The following KLHL25 variants were observed in gnomAD, a reference collection of about 807,000 sequenced individuals.
KLHL25 encodes kelch-like protein 25.
KLHL25 carries 41 observed loss-of-function variants against 30.0 expected under a neutral mutation model. That is an observed-to-expected ratio of 1.37 (90% CI 1.07 to 1.78). The LOEUF is 1.78. Ranked by LOEUF, KLHL25 falls within the 40% of genes most tolerant of loss-of-function variation. The pLI, the probability that KLHL25 is intolerant of heterozygous loss-of-function variation, is 0.00. For synonymous variants in KLHL25, 399 were observed against 355.3 expected (o/e 1.12, Z -1.38); for missense variants, 971 against 824.5 (o/e 1.18, Z -2.18).
At position 85,768,359 on chromosome 15, in the gene KLHL25, G is replaced by C. The variant is rs771048481; in HGVS notation, c.1452C>G (p.Tyr484Ter). The C allele has an allele frequency of 5.6e-6, 9 of 1,613,618 alleles. No individual in the cohort carries two copies. In the African/African-American group the frequency reaches 1.2e-4, roughly 22 times the overall value. Residue 484 changes from tyrosine to a stop codon, truncating the protein, a stop_gained, in exon 2 of 3, where the codon TAC becomes TAG. Transcript: ENST00000337975. LOFTEE classifies it high-confidence loss of function. ...IKAECPQPWR[Y>*]TAAAVLGSQI... ...GGCTGCCCAGGACGGCAGCGGCTGT[G>C]TACCGCCAAGGCTGGGGGCACTCGG...
At position 85,767,892 on chromosome 15, in the gene KLHL25, C is replaced by A; in HGVS notation, c.*24+125G>T. The A allele has an allele frequency of 1.7e-5, 11 of 640,048 alleles. No individual in the cohort carries two copies. In the South Asian group the frequency reaches 2.3e-4, roughly 14 times the overall value. 39.6% of individuals were successfully genotyped at this position (640,048 alleles called of 1,614,324 possible). The stretch of plus-strand genomic sequence containing the variant: ...AGGATTTGACTCCAGAGCACACCAG[C>A]CACCTGCTGCCCACCCAGACTTCCC... On this transcript the variant is annotated intron_variant, in intron 2 of 2. Transcript: ENST00000337975.
Position 85,771,885 on chromosome 15 carries a change from G to A in KLHL25, c.-10-2065C>T, listed in dbSNP as rs368868014. ...GCAACTATTTCCTGAGCACATCCTC[G>A]AAGCTGGGCCCTCAGATGCAGTGGC... is the stretch of plus-strand genomic sequence containing the variant. On this transcript the variant is annotated intron_variant, in intron 1 of 2. Coordinates refer to ENST00000337975, the MANE Select transcript of KLHL25 (RefSeq NM_022480.4). 5.3e-5 allele frequency among the ~76,000 whole-genome samples: 8 copies of A among 152,160 alleles called. No individual in the cohort carries two copies. In the East Asian group the frequency reaches 5.8e-4, roughly 11 times the overall value.
intron 1 of KLHL25, chr15:85,770,503 A>G: frequency 1.9e-6 from 1 of 534,374 alleles, no homozygotes; most frequent in East Asian, 5.4e-5. Context: ...AAGAGCCGCC[A>G]TCAAGGCCCA....
chr15:85,793,476 T>C (rs896965407), intron 1 of KLHL25, among the ~76,000 whole-genome samples: 4 of 151,792 alleles, frequency 2.6e-5, no homozygotes, highest in Non-Finnish European at 4.4e-5. Flanking sequence ...TGAGGTGGGG[T>C]AGACTTTGTG....
intron 1 of KLHL25, chr15:85,770,557 A>G (rs759704230): frequency 1.9e-6 from 1 of 533,896 alleles, no homozygotes; most frequent in Non-Finnish European, 3.8e-6. Context: ...GTGTCTCCAC[A>G]GGGCTCTTTA....
chr15:85,771,683 G>GCCCACAGTCCACAGGGCT (rs1272733156), intron 1 of KLHL25, among the ~76,000 whole-genome samples: 1 of 152,220 alleles, frequency 6.6e-6, no homozygotes, highest in Non-Finnish European at 1.5e-5. Flanking sequence ...CAAACCTGCA[G>GCCCACAGTCCACAGGGCT]CCCACAGTCC....
intron 1 of KLHL25, among the ~76,000 whole-genome samples, chr15:85,772,080 T>A (rs555516353): frequency 2.6e-5 from 4 of 152,310 alleles, no homozygotes; most frequent in African/African-American, 9.6e-5. Context: ...GACCACCCCC[T>A]TGGTGATCAG....
intron 1 of KLHL25, among the ~76,000 whole-genome samples, chr15:85,782,709 C>T (rs80251970): frequency 0.086 from 13,134 of 152,186 alleles, 627 homozygotes; most frequent in Non-Finnish European, 0.11. Flanking sequence ...GTGCCCCATG[C>T]GACACACAGG....
chr15:85,769,724 C>T lies in KLHL25; in HGVS notation c.87G>A (p.Pro29=), dbSNP rs200944201. 120 of 1,613,864 alleles carry T rather than the reference C, an allele frequency of 7.4e-5. No homozygotes were observed. The highest frequency in any genetic ancestry group is 3.3e-4 in the Middle Eastern group (2 of 6,062). The change falls in exon 2 of 3, where the codon CCG becomes CCA. Residue 29 remains proline, a synonymous_variant. Transcript: ENST00000337975. ...TGTTGAGGTGGGCCAGCACACAGTCCGGGTGGGAGGCCTTGTGGAAGAGGG... is the reference window on the plus strand; with the variant it reads ...TGTTGAGGTGGGCCAGCACACAGTCTGGGTGGGAGGCCTTGTGGAAGAGGG... ...NVTLFHKASH[P]DCVLAHLNTL...
chr15:85,772,529 T>A (rs1187633429), intron 1 of KLHL25, among the ~76,000 whole-genome samples: 1 of 152,138 alleles, frequency 6.6e-6, no homozygotes, highest in Non-Finnish European at 1.5e-5. Context: ...GAATCCCAGC[T>A]CCTCACCTTA....
intron 1 of KLHL25, among the ~76,000 whole-genome samples, chr15:85,792,138 T>C (rs1410956441): frequency 6.6e-6 from 1 of 152,156 alleles, no homozygotes; most frequent in African/African-American, 2.4e-5. Context: ...TGGAACCTAC[T>C]GTAGGGGCTG....
At chr15:85,777,749 C>G (rs909946261) in intron 1 of KLHL25, among the ~76,000 whole-genome samples, 1 of 152,176 alleles carries the variant, frequency 6.6e-6, no homozygotes, top group South Asian at 2.1e-4. Flanking sequence ...ACGCTGGGCC[C>G]TACCCAGTTT....
intron 2 of KLHL25, among the ~76,000 whole-genome samples, chr15:85,766,325 G>C (rs929558526): frequency 9.2e-5 from 14 of 152,276 alleles, no homozygotes; most frequent in Admixed American, 8.5e-4. Context: ...CTATTGCAGG[G>C]GTGAGGGGCC....
chr15:85,774,213 C>T (rs902769762), intron 1 of KLHL25, among the ~76,000 whole-genome samples: 2 of 152,136 alleles, frequency 1.3e-5, no homozygotes, highest in African/African-American at 4.8e-5. Flanking sequence ...TCGCTCTGCA[C>T]ATATCACAGA....
intron 1 of KLHL25, among the ~76,000 whole-genome samples, chr15:85,794,206 G>A (rs2089835917): frequency 6.6e-6 from 1 of 152,186 alleles, no homozygotes; most frequent in Non-Finnish European, 1.5e-5. Flanking sequence ...CTCTGCCGCT[G>A]GACAGTTCTG....
At chr15:85,765,533 G>C (rs2089615123) in intron 2 of KLHL25, among the ~76,000 whole-genome samples, 1 of 151,374 alleles carries the variant, frequency 6.6e-6, no homozygotes, top group Non-Finnish European at 1.5e-5. Context: ...GGCTGAGGAA[G>C]GAGAATCGCT....
chr15:85,763,426 T>G (rs1273045776), intron 2 of KLHL25: 2 of 152,208 alleles, frequency 1.3e-5, no homozygotes, highest in Non-Finnish European at 2.9e-5. Context: ...ATTCATGTGA[T>G]GCCAACTGTC....
chr15:85,778,881 G>C (rs1319755345), intron 1 of KLHL25, among the ~76,000 whole-genome samples: 1 of 152,118 alleles, frequency 6.6e-6, no homozygotes, highest in African/African-American at 2.4e-5. Flanking sequence ...CAGGCCCCAT[G>C]GTACCCACTT....
chr15:85,791,222 A>C (rs2089814718), intron 1 of KLHL25, among the ~76,000 whole-genome samples: 1 of 139,674 alleles, frequency 7.2e-6, no homozygotes. Flanking sequence ...AATGCCAGGC[A>C]CAGTGGCTCA....
Sources: gnomAD v4.1 joint callset for allele counts (sites outside exome capture counted in the v4.1 genomes callset) on GRCh38, gnomAD v4.1.1 for gene constraint, MANE v1.5 for transcripts, NCBI Gene and HGNC (gene_info 2026-07-23, HGNC 2026-07-21) for gene names.